The following WWOX variants were observed in gnomAD, a reference collection of about 807,000 sequenced individuals.
WWOX encodes WW domain containing oxidoreductase, also known as WW domain-containing oxidoreductase.
A neutral mutation model predicts 46.2 loss-of-function variants in WWOX; 69 were observed. The observed-to-expected ratio is 1.49, with a 90% CI of 1.23 to 1.82. The LOEUF (loss-of-function observed/expected upper bound fraction) is 1.82. Among genes scored for constraint, WWOX ranks in the 40% most tolerant of loss-of-function variants. The probability of loss-of-function intolerance (pLI) is 0.00; values close to 1 mark genes in which losing one functional copy is unlikely to be tolerated. For missense variants in WWOX, 919 were observed against 542.6 expected (o/e 1.69, Z -6.89); for synonymous variants, 359 against 202.6 (o/e 1.77, Z -6.56).
intron 8 of WWOX, among the ~76,000 whole-genome samples, chr16:78,698,630 T>C (rs2048149007): frequency 6.6e-6 from 1 of 152,218 alleles, no homozygotes; most frequent in Admixed American, 6.5e-5. Context: ...TAGGAACTTT[T>C]CCTGACAAAC....
intron 6 of WWOX, among the ~76,000 whole-genome samples, chr16:78,413,390 G>T (rs182255308): frequency 4.4e-4 from 67 of 152,318 alleles, no homozygotes; most frequent in Admixed American, 9.8e-4. Context: ...AGGGTGATGG[G>T]ATTGTCATTA....
chr16:78,627,664 T>C (rs926978556), intron 8 of WWOX, among the ~76,000 whole-genome samples: 11 of 152,158 alleles, frequency 7.2e-5, no homozygotes, highest in Non-Finnish European at 1.6e-4. Context: ...AGAAGAGTCA[T>C]TGACAGGGAC....
intron 8 of WWOX, among the ~76,000 whole-genome samples, chr16:78,686,170 G>A (rs1467173100): frequency 1.3e-5 from 2 of 152,130 alleles, no homozygotes; most frequent in African/African-American, 4.8e-5. Context: ...ATAGGAATCT[G>A]GTTCTCAAAG....
chr16:78,321,318 ATATATATACGTATATATGCG>A (rs1567499085), intron 5 of WWOX, among the ~76,000 whole-genome samples: 5 of 96,050 alleles, frequency 5.2e-5, no homozygotes, highest in African/African-American at 9.3e-5. Context: ...ATATATGCGT[ATATATATACGTATATATGCG>A]TATATATATA....
chr16:78,695,107 A>G (rs2548832), intron 8 of WWOX, among the ~76,000 whole-genome samples: 151,558 of 152,316 alleles, frequency 1, 75,404 homozygotes, highest in Middle Eastern at 1. Flanking sequence ...CCATGTTACT[A>G]CTCGTGGGAT....
intron 8 of WWOX, among the ~76,000 whole-genome samples, chr16:78,714,391 C>T (rs961765526): frequency 3.1e-4 from 47 of 151,928 alleles, no homozygotes; most frequent in Admixed American, 2.8e-3. Flanking sequence ...CATCAGATCT[C>T]GTGAGACTTA....
intron 8 of WWOX, chr16:78,551,460 C>G (rs1218821622): frequency 1.3e-5 from 2 of 152,258 alleles, no homozygotes; most frequent in South Asian, 2.1e-4. Flanking sequence ...TTGGGACTCC[C>G]ATCCTACAAT....
Position 78,325,836 on chromosome 16 carries a change from A to G in WWOX, c.517-61024A>G, listed in dbSNP as rs185410857. On this transcript the variant is annotated intron_variant, in intron 5 of 8. Coordinates refer to ENST00000566780, the MANE Select transcript of WWOX (RefSeq NM_016373.4). ...GTTTGTTTGCTTTTGCAACTTGAAC[A>G]CACTCATTGGGAGCTTTGGATAATG... Among the ~76,000 whole-genome samples the G allele has an allele frequency of 2.0e-3, 304 of 152,298 alleles. 1 individual carries two copies. Among genetic ancestry groups the G allele is most frequent in the African/African-American group, 6.3e-3 (260 of 41,588 alleles).
In WWOX at chr16:78,526,453, C is replaced by G. The variant is rs2043471139; in HGVS notation, c.1056+93701C>G. 2.6e-5 allele frequency: 4 copies of G among 152,198 alleles called. No individual in the cohort carries two copies. In the South Asian group the frequency reaches 8.3e-4, roughly 32 times the overall value. The allele number at this position is 152,198 out of a possible 1,614,324, so 9.4% of individuals were successfully genotyped here. ...AAATAGGGAAAAGGCCCAGGTGAGGCTGTCTATGTAATAGAGAAGATCCAT... is the reference window on the plus strand; with the variant it reads ...AAATAGGGAAAAGGCCCAGGTGAGGGTGTCTATGTAATAGAGAAGATCCAT... On this transcript the variant is annotated intron_variant, in intron 8 of 8. Transcript: ENST00000566780.
intron 8 of WWOX, among the ~76,000 whole-genome samples, chr16:78,640,797 G>T (rs890818033): frequency 1.3e-5 from 2 of 151,998 alleles, no homozygotes; most frequent in Admixed American, 1.3e-4. Flanking sequence ...AAATTAGCCG[G>T]GCGTGGCAGT....
At chr16:78,563,754 C>A (rs1022558781) in intron 8 of WWOX, among the ~76,000 whole-genome samples, 3 of 151,902 alleles carry the variant, frequency 2.0e-5, no homozygotes, top group Non-Finnish European at 4.4e-5. Context: ...CCACAGATAC[C>A]AATAATTAAT....
chr16:78,860,762 G>T (rs2052697474), intron 8 of WWOX, among the ~76,000 whole-genome samples: 1 of 152,156 alleles, frequency 6.6e-6, no homozygotes, highest in Non-Finnish European at 1.5e-5. Context: ...AGTATGTCTG[G>T]GAACTAGCTA....
At chr16:78,857,702 C>T (rs764034917) in intron 8 of WWOX, among the ~76,000 whole-genome samples, 1 of 152,150 alleles carries the variant, frequency 6.6e-6, no homozygotes, top group African/African-American at 2.4e-5. Context: ...CACTAGAGGC[C>T]TTTTCCCTAG....
chr16:78,703,107 C>T (rs552894870), intron 8 of WWOX, among the ~76,000 whole-genome samples: 95 of 152,150 alleles, frequency 6.2e-4, no homozygotes, highest in Non-Finnish European at 1.2e-3. Flanking sequence ...CTGCAGGGAC[C>T]TTGCTTTTAG....
At chr16:78,296,044 G>A (rs1017775135) in intron 5 of WWOX, among the ~76,000 whole-genome samples, 9 of 152,316 alleles carry the variant, frequency 5.9e-5, no homozygotes, top group Admixed American at 4.6e-4. Flanking sequence ...AGTATGAAAA[G>A]CATCAAAGTT....
intron 8 of WWOX, among the ~76,000 whole-genome samples, chr16:78,465,774 A>T (rs952369159): frequency 3.9e-5 from 6 of 152,198 alleles, no homozygotes; most frequent in African/African-American, 1.4e-4. Flanking sequence ...CTTATTTTTT[A>T]AAATGTATTC....
intron 8 of WWOX, among the ~76,000 whole-genome samples, chr16:78,601,413 C>G (rs1415825913): frequency 6.8e-6 from 1 of 147,324 alleles, no homozygotes; most frequent in Non-Finnish European, 1.5e-5. Context: ...CCTTCCTTGA[C>G]TGGTGCATGG....
intron 8 of WWOX, among the ~76,000 whole-genome samples, chr16:78,769,308 C>G (rs1597579628): frequency 1.3e-5 from 2 of 152,190 alleles, no homozygotes; most frequent in South Asian, 2.1e-4. Flanking sequence ...ATCCATCCAT[C>G]CATCCTGCCT....
intron 8 of WWOX, among the ~76,000 whole-genome samples, chr16:78,588,125 CA>C (rs2045263058): frequency 6.7e-6 from 1 of 150,270 alleles, no homozygotes; most frequent in African/African-American, 2.5e-5. Flanking sequence ...TGCACAGGTG[CA>C]GAGAGGGGGT....
Sources: gnomAD v4.1 joint callset for allele counts (sites outside exome capture counted in the v4.1 genomes callset) on GRCh38, gnomAD v4.1.1 for gene constraint, MANE v1.5 for transcripts, NCBI Gene and HGNC (gene_info 2026-07-23, HGNC 2026-07-21) for gene names.